NOTCH2: variants seen among roughly 807,000 people sequenced by gnomAD.
NOTCH2 encodes the protein neurogenic locus notch homolog protein 2.
Under a neutral mutation model 235.8 loss-of-function variants are expected in NOTCH2, and 29 were observed. The ratio of observed to expected loss-of-function variants is 0.12; its 90% CI spans 0.09 to 0.17. The LOEUF is 0.17. NOTCH2 is among the 10% of genes least tolerant of loss of function. The pLI, the probability that NOTCH2 is intolerant of heterozygous loss-of-function variation, is 1.00. For synonymous variants in NOTCH2, 1,086 were observed against 1,141.5 expected (o/e 0.95, Z 0.98); for missense variants, 2,285 against 3,150.2 (o/e 0.73, Z 6.57).
At position 119,983,265 on chromosome 1, in the gene NOTCH2, G is replaced by A. The variant is rs587741512; in HGVS notation, c.874+3695C>T. 3.3e-5 allele frequency among the ~76,000 whole-genome samples: 5 copies of A among 151,036 alleles called. No individual in the cohort carries two copies. In the South Asian group the frequency reaches 6.3e-4, roughly 19 times the overall value. ...CCCCTAGGGTGGAATGTGCAGTGGC[G>A]TGATTAGCCTCCCAAGTGACCAGGA... On this transcript the variant is annotated intron_variant, in intron 5 of 33. Coordinates refer to ENST00000256646, the MANE Select transcript of NOTCH2 (RefSeq NM_024408.4).
intron 5 of NOTCH2, among the ~76,000 whole-genome samples, chr1:119,973,506 C>T (rs1201206245): frequency 2.0e-5 from 3 of 152,124 alleles, no homozygotes; most frequent in Non-Finnish European, 4.4e-5. Flanking sequence ...GAGAGTGCTG[C>T]ATTGAAACCC....
intron 12 of NOTCH2, among the ~76,000 whole-genome samples, chr1:119,957,750 G>C (rs1028196404): frequency 2.7e-5 from 4 of 150,662 alleles, no homozygotes; most frequent in African/African-American, 9.8e-5. Flanking sequence ...GGCCTTCCTG[G>C]TTTGCTGAAT....
chr1:119,923,849 A>C lies in NOTCH2; in HGVS notation c.4647T>G (p.Ile1549Met), dbSNP rs1396873392. 1.9e-6 allele frequency: 3 copies of C among 1,614,182 alleles called. No homozygotes were observed. Among genetic ancestry groups the C allele is most frequent in the Non-Finnish European group, 1.7e-6 (2 of 1,180,032 alleles). Reference protein sequence around the residue: ...PENLAEGTLVIVVLMPPEQLL... With the variant: ...PENLAEGTLVMVVLMPPEQLL... Reference sequence around the variant, plus strand: ...GTTGTTCAGGTGGCATCAATACCACAATAACCAGGGTACCTTCTGCCAGGT... The same window carrying C: ...GTTGTTCAGGTGGCATCAATACCACCATAACCAGGGTACCTTCTGCCAGGT... The change falls in exon 26 of 34, where the codon ATT becomes ATG. Residue 1549 changes from isoleucine to methionine, a missense_variant. By Grantham distance (10) the Ile-to-Met change is conservative (BLOSUM62 1). This residue lies in a region of NOTCH2 where 1,173 missense variants were observed against 1,515.3 expected (regional missense o/e 0.77). Coordinates refer to ENST00000256646, the MANE Select transcript of NOTCH2 (RefSeq NM_024408.4).
At chr1:119,989,106 G>T (rs1220554584) in intron 4 of NOTCH2, among the ~76,000 whole-genome samples, 1 of 152,178 alleles carries the variant, frequency 6.6e-6, no homozygotes, top group African/African-American at 2.4e-5. Flanking sequence ...TGGCTTCTGG[G>T]GCCAAACTGT....
At chr1:119,935,668 C>A in intron 21 of NOTCH2, 64 bp from the exon 22 acceptor site, 1 of 1,554,188 alleles carries the variant, frequency 6.4e-7, no homozygotes, top group Non-Finnish European at 8.8e-7. Context: ...ACCATGAGAG[C>A]TAGTGAGATC....
At chr1:120,038,091 T>C (rs1553212196) in intron 1 of NOTCH2, among the ~76,000 whole-genome samples, 1 of 152,216 alleles carries the variant, frequency 6.6e-6, no homozygotes, top group African/African-American at 2.4e-5. Flanking sequence ...TGAAATCTAC[T>C]ATATACTGTG....
chr1:119,932,188 A>C (rs1553195226), intron 22 of NOTCH2, among the ~76,000 whole-genome samples: 3 of 152,152 alleles, frequency 2.0e-5, no homozygotes, highest in Admixed American at 6.5e-5. Context: ...AATTTATTTC[A>C]CCAATATACT....
At chr1:120,040,936 G>T (rs1378458681) in intron 1 of NOTCH2, among the ~76,000 whole-genome samples, 3 of 147,680 alleles carry the variant, frequency 2.0e-5, no homozygotes, top group African/African-American at 7.6e-5. Context: ...AGCTACTAGG[G>T]AGTCTGAGGC....
intron 5 of NOTCH2, among the ~76,000 whole-genome samples, chr1:119,974,852 C>T (rs1651508628): frequency 6.6e-6 from 1 of 152,178 alleles, no homozygotes; most frequent in African/African-American, 2.4e-5. Flanking sequence ...TTACTCTTTA[C>T]AGTCTCTTCC....
rs774044077 is a variant in NOTCH2, at chr1:119,918,572, C to G, written c.5782-19G>C. On this transcript the variant is annotated intron_variant, in intron 31 of 33. Coordinates refer to ENST00000256646, the MANE Select transcript of NOTCH2 (RefSeq NM_024408.4). ...TCAGAATCTAGAAGAGGAGAAAGTA[C>G]AGAAAAGAGAGTCACCTGGATGAAG... 2.5e-6 allele frequency: 4 copies of G among 1,613,594 alleles called. No individual in the cohort carries two copies. The East Asian group carries it at 6.7e-5, about 27-fold the overall frequency.
chr1:119,964,534 T>C (rs1299008685), intron 10 of NOTCH2, among the ~76,000 whole-genome samples: 1 of 152,172 alleles, frequency 6.6e-6, no homozygotes, highest in Non-Finnish European at 1.5e-5. Context: ...CATTAACTAT[T>C]TGCAAAAAGA....
chr1:119,920,475 A>T, intron 29 of NOTCH2, 78 bp from the exon 30 acceptor site: 1 of 1,457,388 alleles, frequency 6.9e-7, no homozygotes, highest in Non-Finnish European at 9.6e-7. Context: ...CAGAGCCTCC[A>T]CCACCGCTGC....
chr1:119,932,606 A>T (rs201292181), intron 22 of NOTCH2, among the ~76,000 whole-genome samples: 8 of 125,808 alleles, frequency 6.4e-5, no homozygotes, highest in African/African-American at 1.3e-4. Context: ...CAAACAAACA[A>T]ATATCTATCT....
chr1:119,922,226 T>C lies in NOTCH2; in HGVS notation c.5213+10A>G, dbSNP rs1445251386. ...ACTGTGAATAGTGGCTTATTGGCAA[T>C]GCCTCTTACTTCAGCCCCACAGCAT... On this transcript the variant is annotated intron_variant, in intron 28 of 33. Transcript: ENST00000256646. The C allele has an allele frequency of 6.2e-7, 1 of 1,613,078 alleles. No individual in the cohort carries two copies. Among genetic ancestry groups the C allele is most frequent in the Non-Finnish European group, 8.5e-7 (1 of 1,179,536 alleles).
intron 1 of NOTCH2, among the ~76,000 whole-genome samples, chr1:120,037,777 T>A (rs1467221707): frequency 4.6e-4 from 70 of 151,750 alleles, no homozygotes; most frequent in Non-Finnish European, 1.2e-4. Context: ...ATATAGAAAG[T>A]GTGTTTTCTA....
intron 5 of NOTCH2, chr1:119,976,469 G>A (rs904587473): frequency 1.3e-5 from 2 of 151,264 alleles, no homozygotes; most frequent in Non-Finnish European, 2.9e-5. Flanking sequence ...TGTGGCTAAG[G>A]GGATAATGTA....
At chr1:120,062,727 GACA>G (rs1168477169) in intron 1 of NOTCH2, among the ~76,000 whole-genome samples, 6 of 123,906 alleles carry the variant, frequency 4.8e-5, no homozygotes. Flanking sequence ...AATTAAGTGT[GACA>G]ACACACCACA....
At position 120,000,850 on chromosome 1, in the gene NOTCH2, T is replaced by C. The variant is rs587659210; in HGVS notation, c.416-3518A>G. Among the ~76,000 whole-genome samples the C allele has an allele frequency of 2.6e-5, 4 of 152,284 alleles. No individual in the cohort carries two copies. In the East Asian group the frequency reaches 7.7e-4, roughly 29 times the overall value. ...TCATGATGGAGATAATGGATCATCC[T>C]AACTACCCTCTACCCCACCAACACC... On this transcript the variant is annotated intron_variant, in intron 3 of 33. Coordinates refer to ENST00000256646, the MANE Select transcript of NOTCH2 (RefSeq NM_024408.4).
Position 119,963,180 on chromosome 1 carries a change from T to TAGGTAGGAAGGAAGGA in NOTCH2, c.1915+393_1915+394insTCCTTCCTTCCTACCT, listed in dbSNP as rs140617036. Among the ~76,000 whole-genome samples, 5 of 144,746 alleles carry TAGGTAGGAAGGAAGGA rather than the reference T, an allele frequency of 3.5e-5. 1 individual carries two copies. Among genetic ancestry groups the TAGGTAGGAAGGAAGGA allele is most frequent in the Middle Eastern group, 6.5e-3 (2 of 308 alleles). 95.0% of individuals were successfully genotyped at this position (144,746 alleles called of 152,430 possible). On this transcript the variant is annotated intron_variant, in intron 11 of 33. Transcript: ENST00000256646. ...GGAAGAAGGGAAGAAGGAAGGTAGGTAGGAAGGAAGGAAGGAAGGAAGGAA... is the reference window on the plus strand; with the variant it reads ...GGAAGAAGGGAAGAAGGAAGGTAGGTAGGTAGGAAGGAAGGAAGGAAGGAAGGAAGGAAGGAAGGAA...
Sources: allele counts gnomAD v4.1 joint callset (sites outside exome capture counted in the v4.1 genomes callset), GRCh38; gene constraint gnomAD v4.1.1; regional missense constraint gnomAD v4.1.1; transcripts MANE v1.5; gene names NCBI Gene and HGNC (gene_info 2026-07-23, HGNC 2026-07-21).